BBOX1: variants seen among roughly 807,000 people sequenced by gnomAD.
BBOX1 encodes gamma-butyrobetaine hydroxylase 1, also known as gamma-butyrobetaine dioxygenase.
A neutral mutation model predicts 41.6 loss-of-function variants in BBOX1; 35 were observed. The ratio of observed to expected loss-of-function variants is 0.84; its 90% CI spans 0.64 to 1.11. The LOEUF (loss-of-function observed/expected upper bound fraction) is 1.11. Ranked by LOEUF, BBOX1 falls within the 50% of genes most tolerant of loss-of-function variation. The pLI is 0.00. For synonymous variants in BBOX1, 163 were observed against 154.7 expected (o/e 1.05, Z -0.40); for missense variants, 458 against 460.6 (o/e 0.99, Z 0.05).
At chr11:27,048,276 C>T (rs1424616606) in intron 2 of BBOX1, among the ~76,000 whole-genome samples, 1 of 152,004 alleles carries the variant, frequency 6.6e-6, no homozygotes, top group Non-Finnish European at 1.5e-5. Flanking sequence ...ACCTCCCAGG[C>T]CCTGGCACCC....
intron 2 of BBOX1, among the ~76,000 whole-genome samples, chr11:27,053,149 T>C (rs1041448843): frequency 2.0e-5 from 3 of 152,220 alleles, no homozygotes; most frequent in Admixed American, 6.5e-5. Context: ...TTCATAATTG[T>C]CTTCTCCTGG....
intron 4 of BBOX1, among the ~76,000 whole-genome samples, chr11:27,083,120 C>T (rs951345499): frequency 6.6e-6 from 1 of 152,076 alleles, no homozygotes; most frequent in African/African-American, 2.4e-5. Flanking sequence ...TTATGTATTT[C>T]TTCATCTTTT....
In BBOX1 at chr11:27,104,646, G is replaced by T. The variant is rs112328211; in HGVS notation, c.534-10806G>T. On this transcript the variant is annotated intron_variant, in intron 5 of 8. Coordinates refer to ENST00000263182, the MANE Select transcript of BBOX1 (RefSeq NM_003986.3). The stretch of plus-strand genomic sequence containing the variant: ...TTCGTTTCTCTAGTTTGTGTTTGGG[G>T]TACTAATTTTCACCTTAAAAAAATG... 7.8e-3 allele frequency among the ~76,000 whole-genome samples: 1,182 copies of T among 152,146 alleles called. 18 individuals carry two copies. The highest frequency in any genetic ancestry group is 0.018 in the South Asian group (85 of 4,812).
intron 4 of BBOX1, among the ~76,000 whole-genome samples, chr11:27,085,118 C>T (rs1464446476): frequency 2.0e-5 from 3 of 152,118 alleles, no homozygotes; most frequent in Non-Finnish European, 4.4e-5. Flanking sequence ...TTTTAAATTA[C>T]TCTTTCAACA....
At chr11:27,072,511 G>C (rs1857487926) in intron 4 of BBOX1, among the ~76,000 whole-genome samples, 1 of 152,146 alleles carries the variant, frequency 6.6e-6, no homozygotes, top group African/African-American at 2.4e-5. Context: ...GTAATTTATA[G>C]ATTCAATGCC....
rs1454664520 is a variant in BBOX1 at position 27,057,208 on chromosome 11, T to A, written c.227T>A (p.Ile76Asn). Residue 76 changes from isoleucine to asparagine, a missense_variant, in exon 4 of 9, where the codon ATC becomes AAC. Transcript: ENST00000263182. Reference protein sequence around the residue: ...GLIFDRKKVYITWPDEHYSEF... With the variant: ...GLIFDRKKVYNTWPDEHYSEF... ...TGCTTTTTGTGTTATAAGGTGTACA[T>A]CACATGGCCCGATGAGCATTACAGT... 6.2e-7 allele frequency: 1 copy of A among 1,600,230 alleles called. No homozygotes were observed. Among genetic ancestry groups the A allele is most frequent in the Non-Finnish European group, 8.5e-7 (1 of 1,176,324 alleles).
chr11:27,063,296 T>G lies in BBOX1; in HGVS notation c.334+5981T>G, dbSNP rs545266878. 3.9e-5 allele frequency among the ~76,000 whole-genome samples: 6 copies of G among 152,234 alleles called. No individual in the cohort carries two copies. In the South Asian group the frequency reaches 1.2e-3, roughly 32 times the overall value. On this transcript the variant is annotated intron_variant, in intron 4 of 8. Coordinates refer to ENST00000263182, the MANE Select transcript of BBOX1 (RefSeq NM_003986.3). ...AAGGTTTTTATGTACTAATTATAATTTAGCTCTCGTGAAATTTTGGCATAA... is the reference window on the plus strand; with the variant it reads ...AAGGTTTTTATGTACTAATTATAATGTAGCTCTCGTGAAATTTTGGCATAA...
At chr11:27,068,534 A>ATTTTT (rs368559076) in intron 4 of BBOX1, among the ~76,000 whole-genome samples, 1 of 150,600 alleles carries the variant, frequency 6.6e-6, no homozygotes, top group African/African-American at 2.4e-5. Flanking sequence ...TACTCTGGTA[A>ATTTTT]TTTTTTTTTC....
intron 2 of BBOX1, among the ~76,000 whole-genome samples, chr11:27,052,511 T>C (rs1286165629): frequency 6.6e-6 from 1 of 152,098 alleles, no homozygotes; most frequent in Admixed American, 6.6e-5. Context: ...GGTATCAACA[T>C]GCCTTTTAAT....
intron 2 of BBOX1, among the ~76,000 whole-genome samples, chr11:27,048,062 CA>C (rs1400639671): frequency 6.6e-6 from 1 of 152,100 alleles, no homozygotes. Flanking sequence ...TTACCACAAT[CA>C]AACTAATTAA....
chr11:27,087,867 GA>G (rs1858098542), intron 4 of BBOX1, among the ~76,000 whole-genome samples: 1 of 151,952 alleles, frequency 6.6e-6, no homozygotes, highest in Non-Finnish European at 1.5e-5. Context: ...ACATTTTGAA[GA>G]ACTGAAAAAC....
chr11:27,047,137 T>G (rs1851508850), intron 2 of BBOX1: 1 of 152,146 alleles, frequency 6.6e-6, no homozygotes, highest in South Asian at 2.1e-4. Context: ...CCCAAGTCTT[T>G]CCAGTTCTTC....
chr11:27,103,557 ATTCT>A (rs577467770), intron 5 of BBOX1, among the ~76,000 whole-genome samples: 15 of 151,412 alleles, frequency 9.9e-5, no homozygotes, highest in South Asian at 2.1e-4. Context: ...CTTCTAATTT[ATTCT>A]TTGTTTAAGG....
Position 27,099,570 on chromosome 11 carries a change from C to T in BBOX1, c.533+6204C>T, listed in dbSNP as rs575221061. On this transcript the variant is annotated intron_variant, in intron 5 of 8. Coordinates refer to ENST00000263182, the MANE Select transcript of BBOX1 (RefSeq NM_003986.3). ...ATAAATAAATACTTTGGAAACTTTA[C>T]GCCCAAAACGTTTAGGAAGAATTGG... is the stretch of plus-strand genomic sequence containing the variant. Among the ~76,000 whole-genome samples, 21 of 152,070 alleles carry T rather than the reference C, an allele frequency of 1.4e-4. No homozygotes were observed. In the East Asian group the frequency reaches 2.1e-3, roughly 16 times the overall value.
At chr11:27,088,895 G>T (rs1858136898) in intron 4 of BBOX1, among the ~76,000 whole-genome samples, 1 of 151,916 alleles carries the variant, frequency 6.6e-6, no homozygotes, top group Non-Finnish European at 1.5e-5. Flanking sequence ...CACTGTGCCT[G>T]ACCTATTCAG....
chr11:27,082,357 T>A (rs1857876887), intron 4 of BBOX1, among the ~76,000 whole-genome samples: 1 of 152,150 alleles, frequency 6.6e-6, no homozygotes, highest in East Asian at 1.9e-4. Context: ...GGGAGGTGTG[T>A]GGCACGTCAT....
At chr11:27,114,985 T>C (rs1859204898) in intron 5 of BBOX1, among the ~76,000 whole-genome samples, 1 of 151,772 alleles carries the variant, frequency 6.6e-6, no homozygotes, top group African/African-American at 2.4e-5. Context: ...GGAAAGAAAC[T>C]GCTTACTAAA....
intron 6 of BBOX1, among the ~76,000 whole-genome samples, chr11:27,117,778 A>T (rs1859321444): frequency 6.6e-6 from 1 of 152,010 alleles, no homozygotes; most frequent in African/African-American, 2.4e-5. Flanking sequence ...AGCACATTAT[A>T]CTACTTCAAA....
intron 4 of BBOX1, among the ~76,000 whole-genome samples, chr11:27,062,378 C>T (rs974214818): frequency 6.6e-6 from 1 of 152,146 alleles, no homozygotes; most frequent in East Asian, 1.9e-4. Flanking sequence ...CTTAGCTTCT[C>T]CATACTGATG....
Sources: allele counts gnomAD v4.1 joint callset (sites outside exome capture counted in the v4.1 genomes callset), GRCh38; gene constraint gnomAD v4.1.1; transcripts MANE v1.5; gene names NCBI Gene and HGNC (gene_info 2026-07-23, HGNC 2026-07-21).